ZFP2: variants seen among roughly 807,000 people sequenced by gnomAD.
The protein encoded by ZFP2 is ZFP2 zinc finger protein.
A neutral mutation model predicts 36.1 loss-of-function variants in ZFP2; 33 were observed. The observed-to-expected ratio is 0.92, with a 90% CI of 0.69 to 1.22. The LOEUF (loss-of-function observed/expected upper bound fraction) is 1.22, where lower values mean the gene tolerates loss of function less well. Ranked by LOEUF, ZFP2 falls within the 50% of genes most tolerant of loss-of-function variation. The probability of loss-of-function intolerance (pLI) is 0.00; values close to 1 mark genes in which losing one functional copy is unlikely to be tolerated. For synonymous variants in ZFP2, 170 were observed against 178.0 expected, an observed-to-expected ratio of 0.96 and a Z score of 0.36; for missense variants, 522 against 551.4, an observed-to-expected ratio of 0.95 and a Z score of 0.53.
intron 3 of ZFP2, among the ~76,000 whole-genome samples, 182 bp from the exon 4 acceptor site, chr5:178,916,383 G>T (rs1758432304): frequency 6.6e-6 from 1 of 152,192 alleles, no homozygotes; most frequent in Non-Finnish European, 1.5e-5. Context: ...GGAAAAGGAA[G>T]AAAGAGTAAG....
intron 4 of ZFP2, among the ~76,000 whole-genome samples, chr5:178,929,807 G>A (rs11249605): frequency 1.6e-4 from 25 of 151,686 alleles, no homozygotes; most frequent in African/African-American, 4.6e-4. Context: ...CCACTTCCCC[G>A]TACCAATTTT....
chr5:178,929,997 G>A (rs981928057), intron 4 of ZFP2, among the ~76,000 whole-genome samples: 12 of 151,592 alleles, frequency 7.9e-5, no homozygotes, highest in Non-Finnish European at 1.2e-4. Flanking sequence ...AGGGGAGCAG[G>A]CACATCAAAT....
At chr5:178,906,027 TTAC>T (rs1758158762) in intron 1 of ZFP2, among the ~76,000 whole-genome samples, 1 of 152,208 alleles carries the variant, frequency 6.6e-6, no homozygotes, top group Non-Finnish European at 1.5e-5. Flanking sequence ...AGTGCTGGTA[TTAC>T]AGGCGTGAGC....
intron 4 of ZFP2, among the ~76,000 whole-genome samples, chr5:178,918,588 G>T (rs1432282731): frequency 2.0e-5 from 3 of 152,136 alleles, no homozygotes; most frequent in Non-Finnish European, 4.4e-5. Context: ...TCATGTCCTG[G>T]TGAGTATCAG....
chr5:178,921,922 A>C, intron 4 of ZFP2: 1 of 478,466 alleles, frequency 2.1e-6, no homozygotes, highest in Non-Finnish European at 3.9e-6. Context: ...AGGATCCTCT[A>C]CTTTGGTTTT....
At chr5:178,913,321 T>A (rs1214182369) in intron 3 of ZFP2, among the ~76,000 whole-genome samples, 1 of 152,196 alleles carries the variant, frequency 6.6e-6, no homozygotes, top group Non-Finnish European at 1.5e-5. Flanking sequence ...TACTGAGCAT[T>A]TGGTAAATGT....
At chr5:178,909,312 C>T (rs1365798419) in intron 1 of ZFP2, among the ~76,000 whole-genome samples, 1 of 152,222 alleles carries the variant, frequency 6.6e-6, no homozygotes, top group Non-Finnish European at 1.5e-5. Flanking sequence ...TCTCAAGCAG[C>T]AGAACATGTT....
chr5:178,913,052 G>A lies in ZFP2; in HGVS notation c.-243G>A, dbSNP rs905999754. On this transcript the variant is annotated 5_prime_UTR_variant, in exon 3 of 5. Coordinates refer to ENST00000361362, the MANE Select transcript of ZFP2 (RefSeq NM_030613.4). Reference sequence around the variant, plus strand: ...AACTGAGTCTGATGCAAAAAGAACCGCCTGAGGGTGGCTTTCGAGGTAAGT... The same window carrying A: ...AACTGAGTCTGATGCAAAAAGAACCACCTGAGGGTGGCTTTCGAGGTAAGT... The A allele has an allele frequency of 1.1e-4, 108 of 985,740 alleles. 1 individual carries two copies. The Admixed American group carries it at 5.2e-3, about 48-fold the overall frequency. 61.1% of individuals were successfully genotyped at this position (985,740 alleles called of 1,614,324 possible). A position where few individuals can be genotyped will look rare whatever the true frequency, so the allele number is the denominator to read the frequency against.
At position 178,925,280 on chromosome 5, in the gene ZFP2, A is replaced by G. The variant is rs182594969; in HGVS notation, c.-77-5957A>G. On this transcript the variant is annotated intron_variant, in intron 4 of 4. Transcript: ENST00000361362. Reference sequence around the variant, plus strand: ...TACTCCATTGTATGAACACTTGACGATCTTGTTATCCATTTTTTGATGATG... The same window carrying G: ...TACTCCATTGTATGAACACTTGACGGTCTTGTTATCCATTTTTTGATGATG... Among the ~76,000 whole-genome samples, 92 of 148,718 alleles carry G rather than the reference A, an allele frequency of 6.2e-4. 8 individuals are homozygous for G. Among genetic ancestry groups the G allele is most frequent in the Non-Finnish European group, 1.3e-3 (85 of 66,348 alleles).
chr5:178,913,390 T>C (rs1758343326), intron 3 of ZFP2, among the ~76,000 whole-genome samples: 1 of 152,228 alleles, frequency 6.6e-6, no homozygotes, highest in African/African-American at 2.4e-5. Flanking sequence ...ACCCTGTCTT[T>C]ACGCATCTTC....
At chr5:178,899,334 C>T (rs1758000234) in intron 1 of ZFP2, among the ~76,000 whole-genome samples, 1 of 152,144 alleles carries the variant, frequency 6.6e-6, no homozygotes, top group South Asian at 2.1e-4. Context: ...GTAATAGCTA[C>T]TTCATAGGTC....
intron 1 of ZFP2, among the ~76,000 whole-genome samples, chr5:178,903,735 C>T (rs556966376): frequency 2.8e-3 from 419 of 152,126 alleles, no homozygotes; most frequent in African/African-American, 9.7e-3. Context: ...TTTGGGAGGC[C>T]GAGGTGGGTG....
chr5:178,930,253 C>T (rs1400107848), intron 4 of ZFP2, among the ~76,000 whole-genome samples: 3 of 150,920 alleles, frequency 2.0e-5, no homozygotes, highest in African/African-American at 7.3e-5. Flanking sequence ...TTACTTACTT[C>T]CTATCATATT....
chr5:178,923,009 A>G (rs548488511), intron 4 of ZFP2, among the ~76,000 whole-genome samples: 1 of 149,378 alleles, frequency 6.7e-6, no homozygotes, highest in East Asian at 1.9e-4. Context: ...TTCCTCTTTG[A>G]CCTCTCAGAA....
At chr5:178,899,248 A>T (rs890270553) in intron 1 of ZFP2, among the ~76,000 whole-genome samples, 5 of 152,358 alleles carry the variant, frequency 3.3e-5, no homozygotes, top group African/African-American at 1.2e-4. Context: ...TCTCATGGTC[A>T]TAATAGGAAT....
At chr5:178,925,921 C>T (rs1758659080) in intron 4 of ZFP2, among the ~76,000 whole-genome samples, 1 of 149,034 alleles carries the variant, frequency 6.7e-6, no homozygotes, top group Admixed American at 6.7e-5. Context: ...GATCACGGCT[C>T]ACTGCAGACT....
chr5:178,922,408 T>A, intron 4 of ZFP2: 1 of 1,310,402 alleles, frequency 7.6e-7, no homozygotes, highest in Non-Finnish European at 1.1e-6. Flanking sequence ...CATTTTTATT[T>A]GCAGTTATTT....
intron 1 of ZFP2, chr5:178,910,069 A>G (rs1758258853): frequency 2.7e-6 from 4 of 1,475,630 alleles, no homozygotes; most frequent in Non-Finnish European, 3.8e-6. Flanking sequence ...TGAAATGTAA[A>G]CTGGTAGAGA....
intron 4 of ZFP2, among the ~76,000 whole-genome samples, chr5:178,923,251 C>G (rs999709546): frequency 1.0e-4 from 15 of 149,716 alleles, no homozygotes; most frequent in African/African-American, 3.1e-4. Flanking sequence ...AGAACTTTTT[C>G]ATCTTTCCTA....
Sources: gnomAD v4.1 joint callset for allele counts (sites outside exome capture counted in the v4.1 genomes callset) on GRCh38, gnomAD v4.1.1 for gene constraint, MANE v1.5 for transcripts, NCBI Gene and HGNC (gene_info 2026-07-23, HGNC 2026-07-21) for gene names.